MAF: variants seen among roughly 807,000 people sequenced by gnomAD.
MAF encodes transcription factor Maf.
Under a neutral mutation model 22.0 loss-of-function variants are expected in MAF, and 10 were observed. The observed-to-expected ratio is 0.45, with a 90% CI of 0.28 to 0.77. MAF has a LOEUF of 0.77. Ranked by LOEUF, MAF falls within the 30% of genes least tolerant of loss-of-function variation. MAF has a pLI of 0.12. For missense variants in MAF, 544 were observed against 548.4 expected, an observed-to-expected ratio of 0.99 and a Z score of 0.08; for synonymous variants, 337 against 255.8, an observed-to-expected ratio of 1.32 and a Z score of -3.03.
chr16:79,443,393 C>G, the MAF span, among the ~76,000 whole-genome samples: 1 of 152,282 alleles, frequency 6.6e-6, no homozygotes, highest in South Asian at 2.1e-4. Context: ...CAGGCCATAT[C>G]TGGCAGCCCC....
chr16:79,431,020 G>T, the MAF span, among the ~76,000 whole-genome samples: 1 of 152,116 alleles, frequency 6.6e-6, no homozygotes, highest in Admixed American at 6.5e-5. Flanking sequence ...ATCCATGTAG[G>T]TGAATAGTTC....
At chr16:79,511,014 A>G in the MAF span, among the ~76,000 whole-genome samples, 54 of 152,358 alleles carry the variant, frequency 3.5e-4, no homozygotes, top group Admixed American at 2.0e-3. Context: ...CCCTGCACCT[A>G]GAAGATATAG....
the MAF span, among the ~76,000 whole-genome samples, chr16:79,280,281 A>G: frequency 6.6e-6 from 1 of 152,206 alleles, no homozygotes; most frequent in African/African-American, 2.4e-5. Context: ...GGGAGAAGAG[A>G]GGTCTGGGGC....
At chr16:79,240,720 G>A in the MAF span, among the ~76,000 whole-genome samples, 44 of 151,882 alleles carry the variant, frequency 2.9e-4, no homozygotes, top group African/African-American at 8.4e-4. Context: ...CTCCTCAAGT[G>A]GGTCCCTGAC....
chr16:79,366,469 G>C, the MAF span, among the ~76,000 whole-genome samples: 12 of 152,150 alleles, frequency 7.9e-5, no homozygotes, highest in Non-Finnish European at 1.5e-4. Context: ...TTAATAATTA[G>C]AATAAGAACC....
chr16:79,444,013 T>C, the MAF span, among the ~76,000 whole-genome samples: 2 of 152,182 alleles, frequency 1.3e-5, no homozygotes, highest in African/African-American at 4.8e-5. Flanking sequence ...AACATTTATA[T>C]ACGTACACAC....
the MAF span, among the ~76,000 whole-genome samples, chr16:79,460,286 T>A: frequency 6.6e-6 from 1 of 152,200 alleles, no homozygotes; most frequent in African/African-American, 2.4e-5. Context: ...GATCCTCTAC[T>A]GAGATGTAAA....
chr16:79,322,767 G>A, the MAF span, among the ~76,000 whole-genome samples: 12 of 151,924 alleles, frequency 7.9e-5, no homozygotes, highest in African/African-American at 2.9e-4. Flanking sequence ...AGAGGTGAGA[G>A]GCCAGTGGAG....
chr16:79,450,471 C>G, the MAF span, among the ~76,000 whole-genome samples: 10 of 152,178 alleles, frequency 6.6e-5, no homozygotes, highest in African/African-American at 2.4e-4. Flanking sequence ...GCTTTTAATT[C>G]ATGAGTTGCT....
the MAF span, among the ~76,000 whole-genome samples, chr16:79,333,467 G>A: frequency 1.7e-4 from 26 of 152,140 alleles, no homozygotes; most frequent in African/African-American, 6.0e-4. Context: ...CCATGTCAGC[G>A]GCCCTGAGGA....
the MAF span, among the ~76,000 whole-genome samples, chr16:79,406,201 G>A: frequency 6.6e-6 from 1 of 152,124 alleles, no homozygotes; most frequent in Non-Finnish European, 1.5e-5. Context: ...TGCTTCCCAG[G>A]ATCTCCTTCC....
chr16:79,543,201 G>C, the MAF span, among the ~76,000 whole-genome samples: 1 of 152,208 alleles, frequency 6.6e-6, no homozygotes, highest in African/African-American at 2.4e-5. Flanking sequence ...AAGGATAAGA[G>C]ACAAAGGTAG....
chr16:79,329,081 T>C, the MAF span, among the ~76,000 whole-genome samples: 18 of 148,056 alleles, frequency 1.2e-4, no homozygotes, highest in Middle Eastern at 6.6e-3. Context: ...TTCTGTGATT[T>C]TTTTTTTTTT....
At chr16:79,263,959 G>C in the MAF span, among the ~76,000 whole-genome samples, 3 of 152,142 alleles carry the variant, frequency 2.0e-5, no homozygotes, top group African/African-American at 7.2e-5. Flanking sequence ...GTTTGTTTTA[G>C]CCTAGAAGGA....
the MAF span, among the ~76,000 whole-genome samples, chr16:79,480,903 G>C: frequency 6.6e-6 from 1 of 152,226 alleles, no homozygotes. Flanking sequence ...AGCCAGAGAT[G>C]TGGATGAGGA....
chr16:79,309,150 G>T, the MAF span, among the ~76,000 whole-genome samples: 8 of 152,158 alleles, frequency 5.3e-5, no homozygotes, highest in African/African-American at 1.2e-4. Flanking sequence ...GGATACAGGG[G>T]TGCTCTTCAA....
downstream of MAF, among the ~76,000 whole-genome samples, chr16:79,582,340 CA>C (rs1313373668): frequency 6.6e-6 from 1 of 152,194 alleles, no homozygotes; most frequent in Non-Finnish European, 1.5e-5. Context: ...GAAAGCTCTA[CA>C]GAAGCATCAT....
At chr16:79,212,391 A>G in the MAF span, 1 of 468,472 alleles carries the variant, frequency 2.1e-6, no homozygotes, top group Non-Finnish European at 3.7e-6. Flanking sequence ...ACCAGGTGGC[A>G]AAGTACTTGT....
At chr16:79,515,838 C>T in the MAF span, 2 of 152,082 alleles carry the variant, frequency 1.3e-5, no homozygotes, top group African/African-American at 2.4e-5. Context: ...CCTCACTGAT[C>T]ACAGAAACAT....
Sources: gnomAD v4.1 joint callset for allele counts (sites outside exome capture counted in the v4.1 genomes callset) on GRCh38, gnomAD v4.1.1 for gene constraint, MANE v1.5 for transcripts, NCBI Gene and HGNC (gene_info 2026-07-23, HGNC 2026-07-21) for gene names.